The following RNF175 variants were observed in gnomAD, a reference collection of about 807,000 sequenced individuals.
The protein encoded by RNF175 is ring finger protein 175.
A neutral mutation model predicts 50.0 loss-of-function variants in RNF175; 38 were observed. The observed-to-expected ratio is 0.76, with a 90% CI of 0.59 to 1.00. RNF175 has a LOEUF of 1.00. Among genes scored for constraint, RNF175 ranks in the 50% least tolerant of loss-of-function variants. The pLI, the probability that RNF175 is intolerant of heterozygous loss-of-function variation, is 0.00. For synonymous variants in RNF175, 155 were observed against 146.1 expected (o/e 1.06, Z -0.44); for missense variants, 388 against 409.6 (o/e 0.95, Z 0.46).
rs780433178 is a variant in RNF175 at position 153,748,625 on chromosome 4, C to A, written c.246+20G>T. 1.1e-5 allele frequency: 17 copies of A among 1,556,334 alleles called. No homozygotes were observed. The African/African-American group carries it at 1.4e-4, about 13-fold the overall frequency. ...GATACAAGCTGGAGCAGGCTCCCAG[C>A]AGCCACGGGGATGACTCACATTGTA... On this transcript the variant is annotated intron_variant, in intron 3 of 8. Coordinates refer to ENST00000347063, the MANE Select transcript of RNF175 (RefSeq NM_173662.4).
At chr4:153,745,204 C>A (rs1377172494) in intron 3 of RNF175, among the ~76,000 whole-genome samples, 2 of 152,126 alleles carry the variant, frequency 1.3e-5, no homozygotes, top group Non-Finnish European at 2.9e-5. Context: ...AGTGTGGTTC[C>A]AGGACCGGCA....
At chr4:153,720,417 T>A in intron 5 of RNF175, 113 bp from the exon 6 acceptor site, 1 of 814,210 alleles carries the variant, frequency 1.2e-6, no homozygotes, top group Non-Finnish European at 1.9e-6. Context: ...GGTATTTTTT[T>A]TTTCATTTAT....
Position 153,756,926 on chromosome 4 carries a change from G to A in RNF175, c.66+2871C>T, listed in dbSNP as rs1196633248. ...CCCCTCCTCTGAGGCCCTTGCCTTC[G>A]CTCTCTTCCCTCTTCAAACAGTAAG... On this transcript the variant is annotated intron_variant, in intron 1 of 8. Coordinates refer to ENST00000347063, the MANE Select transcript of RNF175 (RefSeq NM_173662.4). Among the ~76,000 whole-genome samples the A allele has an allele frequency of 4.6e-5, 7 of 152,124 alleles. No individual in the cohort carries two copies. In the South Asian group the frequency reaches 8.3e-4, roughly 18 times the overall value.
intron 3 of RNF175, among the ~76,000 whole-genome samples, chr4:153,745,488 A>G (rs1177535605): frequency 1.3e-5 from 2 of 152,222 alleles, no homozygotes; most frequent in Non-Finnish European, 2.9e-5. Context: ...ATCTTGCTCC[A>G]TGTTGCTGAA....
At chr4:153,726,629 A>G (rs1276687324) in intron 4 of RNF175, among the ~76,000 whole-genome samples, 5 of 152,314 alleles carry the variant, frequency 3.3e-5, no homozygotes, top group African/African-American at 1.2e-4. Flanking sequence ...CTGTAATGAA[A>G]TCCTCTGCTT....
chr4:153,754,411 T>C (rs918290938), intron 1 of RNF175, among the ~76,000 whole-genome samples: 2 of 152,134 alleles, frequency 1.3e-5, no homozygotes, highest in African/African-American at 4.8e-5. Context: ...TGGGAGCAGC[T>C]TGGAACTGCT....
chr4:153,710,793 G>C, intron 8 of RNF175, among the ~76,000 whole-genome samples: 1 of 152,194 alleles, frequency 6.6e-6, no homozygotes, highest in East Asian at 1.9e-4. Context: ...GACTATATTG[G>C]AAAACCAAGG....
chr4:153,710,482 G>A lies in RNF175; in HGVS notation c.874C>T (p.Arg292Cys), dbSNP rs115378826. 1.5e-3 allele frequency: 2,456 copies of A among 1,608,662 alleles called. 4 individuals carry two copies. The highest frequency in any genetic ancestry group is 2.0e-3 in the Admixed American group (120 of 59,284). The change falls in exon 9 of 9, where the codon CGC (arginine) becomes TGC (cysteine). Residue 292 changes from arginine (R) to cysteine (C), a missense_variant. Coordinates refer to ENST00000347063, the MANE Select transcript of RNF175 (RefSeq NM_173662.4). ...ATTTGTCCATACAGAAAATGTGTGCGCTCCCAGCTAAATCTCAGTTAAGGA... is the reference window on the plus strand; with the variant it reads ...ATTTGTCCATACAGAAAATGTGTGCACTCCCAGCTAAATCTCAGTTAAGGA... Reference protein sequence around the residue: ...LKRMISNPWERTHFLYGQILD... With the variant: ...LKRMISNPWECTHFLYGQILD...
At chr4:153,720,102 C>T in intron 6 of RNF175, 82 bp downstream of exon 6, 1 of 1,456,942 alleles carries the variant, frequency 6.9e-7, no homozygotes, top group South Asian at 1.2e-5. Flanking sequence ...TTATTTGTTT[C>T]TGAAAATGGA....
chr4:153,712,690 C>T, intron 7 of RNF175, 114 bp from the exon 8 acceptor site: 1 of 711,774 alleles, frequency 1.4e-6, no homozygotes, highest in South Asian at 1.6e-5. Context: ...CTTGATGAGG[C>T]ACATCGCTTT....
At chr4:153,758,896 G>A (rs1433752618) in intron 1 of RNF175, among the ~76,000 whole-genome samples, 3 of 152,216 alleles carry the variant, frequency 2.0e-5, no homozygotes, top group Non-Finnish European at 4.4e-5. Flanking sequence ...GCCCTCACGG[G>A]TTGGAGGAGA....
chr4:153,747,991 G>A (rs1328583225), intron 3 of RNF175, among the ~76,000 whole-genome samples: 2 of 152,166 alleles, frequency 1.3e-5, no homozygotes, highest in South Asian at 4.1e-4. Flanking sequence ...AAGGTGAGAG[G>A]GCAAGAGAGA....
intron 4 of RNF175, 96 bp downstream of exon 4, chr4:153,728,111 C>G (rs1560779036): frequency 2.5e-6 from 2 of 806,922 alleles, no homozygotes; most frequent in East Asian, 3.1e-5. Context: ...GAAATGTAAC[C>G]CCCCCACTCC....
At chr4:153,756,901 C>T (rs997190663) in intron 1 of RNF175, among the ~76,000 whole-genome samples, 5 of 152,138 alleles carry the variant, frequency 3.3e-5, no homozygotes, top group Non-Finnish European at 7.4e-5. Context: ...GCAGGGTGTC[C>T]CCCTCCTCTG....
rs1738257833 is a variant in RNF175, at chr4:153,720,317, A to G, written c.510-13T>C. ...TCTAGCTTTGATTCTATTGAAAACA[A>G]CAGTATAAGGAAATAAGAATGTGGC... is the stretch of plus-strand genomic sequence containing the variant. On this transcript the variant is annotated splice_polypyrimidine_tract_variant and intron_variant, in intron 5 of 8. Coordinates refer to ENST00000347063, the MANE Select transcript of RNF175 (RefSeq NM_173662.4). 1.9e-6 allele frequency: 3 copies of G among 1,611,496 alleles called. No homozygotes were observed. Among genetic ancestry groups the G allele is most frequent in the Admixed American group, 1.7e-5 (1 of 59,996 alleles).
chr4:153,731,474 C>T (rs1739029251), intron 3 of RNF175, among the ~76,000 whole-genome samples: 1 of 152,190 alleles, frequency 6.6e-6, no homozygotes, highest in Non-Finnish European at 1.5e-5. Context: ...AACCACATAT[C>T]ATAGCAGGAG....
chr4:153,736,694 A>G (rs1303417228), intron 3 of RNF175, among the ~76,000 whole-genome samples: 1 of 152,146 alleles, frequency 6.6e-6, no homozygotes, highest in African/African-American at 2.4e-5. Context: ...TTAAATTGAT[A>G]TAGGCCTATT....
intron 4 of RNF175, among the ~76,000 whole-genome samples, chr4:153,725,059 AG>A (rs1388728006): frequency 6.2e-5 from 1 of 16,168 alleles, no homozygotes; most frequent in Non-Finnish European, 1.1e-4. Flanking sequence ...GGGAGCGGGC[AG>A]GGGTGAGCTG....
intron 3 of RNF175, among the ~76,000 whole-genome samples, chr4:153,740,165 C>A (rs1306992960): frequency 7.8e-6 from 1 of 127,596 alleles, no homozygotes; most frequent in Non-Finnish European, 1.9e-5. Flanking sequence ...TTTCTGGTAC[C>A]ATTTTTTTTT....
Sources: allele counts gnomAD v4.1 joint callset (sites outside exome capture counted in the v4.1 genomes callset), GRCh38; gene constraint gnomAD v4.1.1; transcripts MANE v1.5; gene names NCBI Gene and HGNC (gene_info 2026-07-23, HGNC 2026-07-21).